PTPRT: variants seen among roughly 807,000 people sequenced by gnomAD.
PTPRT encodes the protein receptor-type tyrosine-protein phosphatase T.
In PTPRT, 56 loss-of-function variants were observed where a neutral mutation model predicts 176.8. The observed-to-expected ratio is 0.32, with a 90% CI of 0.26 to 0.40. The LOEUF is 0.40. Among genes scored for constraint, PTPRT ranks in the 10% least tolerant of loss-of-function variants. The pLI is 1.00. For missense variants in PTPRT, 1,540 were observed against 1,908.2 expected, an observed-to-expected ratio of 0.81 and a Z score of 3.60; for synonymous variants, 783 against 739.0, an observed-to-expected ratio of 1.06 and a Z score of -0.96.
At chr20:42,568,286 G>A (rs1049263797) in intron 7 of PTPRT, among the ~76,000 whole-genome samples, 1 of 152,176 alleles carries the variant, frequency 6.6e-6, no homozygotes, top group South Asian at 2.1e-4. Flanking sequence ...TTTCTTGAAT[G>A]CCTACTGGCT....
the PTPRT span, among the ~76,000 whole-genome samples, chr20:42,050,652 A>G: frequency 6.6e-6 from 1 of 152,198 alleles, no homozygotes; most frequent in Admixed American, 6.5e-5. Flanking sequence ...GTCTATTTTT[A>G]GGTATGAATG....
At chr20:42,347,621 C>T (rs2058214001) in intron 11 of PTPRT, among the ~76,000 whole-genome samples, 1 of 152,134 alleles carries the variant, frequency 6.6e-6, no homozygotes, top group Non-Finnish European at 1.5e-5. Context: ...CACCACATGG[C>T]ATGATCCATG....
chr20:42,461,434 G>GA (rs2071017999), intron 8 of PTPRT, among the ~76,000 whole-genome samples: 1 of 152,200 alleles, frequency 6.6e-6, no homozygotes, highest in Admixed American at 6.5e-5. Context: ...CTACTGGAGA[G>GA]GGTGAGGTGG....
At chr20:42,113,875 G>A (rs1051248913) in intron 22 of PTPRT, among the ~76,000 whole-genome samples, 2 of 152,170 alleles carry the variant, frequency 1.3e-5, no homozygotes, top group South Asian at 2.1e-4. Flanking sequence ...TTTTTCACCC[G>A]AGACTGCAGA....
At chr20:42,511,588 C>T (rs1326196834) in intron 7 of PTPRT, among the ~76,000 whole-genome samples, 1 of 151,732 alleles carries the variant, frequency 6.6e-6, no homozygotes, top group East Asian at 1.9e-4. Context: ...GAATCTGATG[C>T]TATTACTTCT....
At chr20:42,520,889 T>A (rs1375629466) in intron 7 of PTPRT, among the ~76,000 whole-genome samples, 1 of 140,280 alleles carries the variant, frequency 7.1e-6, no homozygotes, top group African/African-American at 2.7e-5. Flanking sequence ...AGATAGATAG[T>A]AACTCATGCC....
At chr20:42,823,048 G>A (rs2077926104) in intron 2 of PTPRT, among the ~76,000 whole-genome samples, 1 of 152,112 alleles carries the variant, frequency 6.6e-6, no homozygotes. Context: ...TATATACCCA[G>A]AGGAACGCAA....
intron 12 of PTPRT, among the ~76,000 whole-genome samples, chr20:42,286,273 A>G (rs1358182919): frequency 2.6e-5 from 4 of 151,932 alleles, no homozygotes; most frequent in Non-Finnish European, 4.4e-5. Context: ...AATAGCCAAA[A>G]CAGTCCTGAG....
At chr20:42,151,630 T>C (rs1452867350) in intron 17 of PTPRT, among the ~76,000 whole-genome samples, 4 of 152,214 alleles carry the variant, frequency 2.6e-5, no homozygotes, top group Admixed American at 2.6e-4. Context: ...GTCTTTATAG[T>C]AGAATTATTT....
chr20:42,071,794 C>T (rs1190054044), downstream of PTPRT, among the ~76,000 whole-genome samples: 1 of 152,150 alleles, frequency 6.6e-6, no homozygotes, highest in East Asian at 1.9e-4. Flanking sequence ...GTAACTGGGA[C>T]TACAGGTGTG....
At chr20:43,186,841 T>C (rs540156262) in intron 1 of PTPRT, among the ~76,000 whole-genome samples, 1 of 152,232 alleles carries the variant, frequency 6.6e-6, no homozygotes, top group Non-Finnish European at 1.5e-5. Flanking sequence ...GTTAAATGAC[T>C]ACATTGCTAA....
chr20:42,086,888 A>G (rs1984020154), intron 27 of PTPRT, among the ~76,000 whole-genome samples: 1 of 150,146 alleles, frequency 6.7e-6, no homozygotes, highest in Non-Finnish European at 1.5e-5. Flanking sequence ...TTGCACCAAA[A>G]GTTAATGTCA....
chr20:43,172,565 A>G (rs115451744), intron 1 of PTPRT, among the ~76,000 whole-genome samples: 93 of 152,180 alleles, frequency 6.1e-4, no homozygotes, highest in African/African-American at 2.1e-3. Flanking sequence ...CCAGCCACGC[A>G]CTCTTATGTT....
chr20:43,109,419 C>T (rs555996705), intron 1 of PTPRT, among the ~76,000 whole-genome samples: 3 of 152,216 alleles, frequency 2.0e-5, no homozygotes, highest in East Asian at 1.9e-4. Flanking sequence ...CCACCAAAAC[C>T]GGGCCTGATC....
At chr20:42,778,722 C>T (rs956532749) in intron 4 of PTPRT, among the ~76,000 whole-genome samples, 12 of 152,168 alleles carry the variant, frequency 7.9e-5, no homozygotes, top group African/African-American at 2.4e-4. Context: ...GTGACTCCCA[C>T]GAGTCCAGGG....
chr20:43,008,716 C>T (rs190402618), intron 1 of PTPRT, among the ~76,000 whole-genome samples: 23 of 152,166 alleles, frequency 1.5e-4, no homozygotes, highest in African/African-American at 4.6e-4. Context: ...AAAAGAACTA[C>T]GAGAAATAAA....
intron 11 of PTPRT, among the ~76,000 whole-genome samples, chr20:42,337,698 C>G (rs2058059592): frequency 6.6e-6 from 1 of 152,158 alleles, no homozygotes; most frequent in Non-Finnish European, 1.5e-5. Flanking sequence ...GGGGACAGAG[C>G]CTAAACACTT....
intron 1 of PTPRT, among the ~76,000 whole-genome samples, chr20:43,026,055 A>T (rs1311854291): frequency 6.6e-6 from 1 of 152,108 alleles, no homozygotes; most frequent in Non-Finnish European, 1.5e-5. Context: ...TCCAAAATTC[A>T]TATGCTAAAT....
chr20:42,261,473 C>A (rs577846081), intron 13 of PTPRT, among the ~76,000 whole-genome samples: 18 of 150,176 alleles, frequency 1.2e-4, no homozygotes, highest in Non-Finnish European at 1.6e-4. Flanking sequence ...GAACACAATT[C>A]AACTTCTAAG....
Sources: gnomAD v4.1 joint callset for allele counts (sites outside exome capture counted in the v4.1 genomes callset) on GRCh38, gnomAD v4.1.1 for gene constraint, MANE v1.5 for transcripts, NCBI Gene and HGNC (gene_info 2026-07-23, HGNC 2026-07-21) for gene names.